Variants in CHM observed in about 807,000 individuals in gnomAD.
CHM encodes the protein rab proteins geranylgeranyltransferase component A 1.
In CHM, 10 loss-of-function variants were observed where a neutral mutation model predicts 49.0. The observed-to-expected ratio is 0.20, with a 90% CI of 0.13 to 0.35. The LOEUF (loss-of-function observed/expected upper bound fraction) is 0.35, where lower values mean the gene tolerates loss of function less well. CHM is among the 10% of genes least tolerant of loss of function. The pLI is 1.00. For synonymous variants in CHM, 184 were observed against 167.5 expected (o/e 1.10, Z -0.76); for missense variants, 455 against 478.4 (o/e 0.95, Z 0.46).
chrX:85,930,813 G>A (rs1603254106), intron 8 of CHM, among the ~76,000 whole-genome samples: 2 of 111,750 alleles, frequency 1.8e-5, no homozygotes, highest in Admixed American at 1.9e-4. Flanking sequence ...AGTCTTTATC[G>A]AGTTATTTGT....
chrX:86,019,189 T>C (rs1437107639), intron 2 of CHM, among the ~76,000 whole-genome samples: 1 of 111,507 alleles, frequency 9.0e-6, no homozygotes, highest in East Asian at 2.8e-4. Context: ...TCAATAAAGA[T>C]GTTGAAATTT....
Position 85,911,248 on chromosome X carries a change from A to G in CHM, c.1244+13T>C, listed in dbSNP as rs1350517057. 1.5e-6 allele frequency: 1 copy of G among 645,932 alleles called. No individual in the cohort carries two copies. Among genetic ancestry groups the G allele is most frequent in the Non-Finnish European group, 2.1e-6 (1 of 478,820 alleles). 53.2% of individuals were successfully genotyped at this position (645,932 alleles called of 1,213,427 possible). A position where few individuals can be genotyped will look rare whatever the true frequency, so the allele number is the denominator to read the frequency against. Reference sequence around the variant, plus strand: ...ATATATATATATATGAAGGTTACTTATATCATCCTTACTTTCTGGATTCTT... The same window carrying G: ...ATATATATATATATGAAGGTTACTTGTATCATCCTTACTTTCTGGATTCTT... On this transcript the variant is annotated intron_variant, in intron 9 of 14. Coordinates refer to ENST00000357749, the MANE Select transcript of CHM (RefSeq NM_000390.4).
At chrX:85,897,248 TAG>T (rs751194319) in intron 11 of CHM, among the ~76,000 whole-genome samples, 175 of 99,347 alleles carry the variant, frequency 1.8e-3, no homozygotes, top group African/African-American at 6.2e-3. Context: ...ATATATGAAA[TAG>T]AAAGTAGTAT....
chrX:85,884,125 AT>A (rs1280611506), intron 12 of CHM, among the ~76,000 whole-genome samples: 1 of 111,502 alleles, frequency 9.0e-6, no homozygotes, highest in African/African-American at 3.2e-5. Flanking sequence ...GTGAAAAAAA[AT>A]ATGGCTTGTT....
intron 2 of CHM, among the ~76,000 whole-genome samples, chrX:85,992,824 T>C (rs766917345): frequency 8.9e-6 from 1 of 112,465 alleles, no homozygotes; most frequent in Admixed American, 9.4e-5. Flanking sequence ...AGAAGTTGCT[T>C]TGGCAATCAG....
At chrX:85,900,507 T>C in intron 11 of CHM, 139 bp downstream of exon 11, 3 of 479,246 alleles carry the variant, frequency 6.3e-6, no homozygotes, top group Non-Finnish European at 1.1e-5. Context: ...ATCTTAAGTG[T>C]TCTCACCACA....
chrX:85,959,355 T>C (rs866921570), intron 5 of CHM, among the ~76,000 whole-genome samples: 1 of 108,181 alleles, frequency 9.2e-6, no homozygotes, highest in Non-Finnish European at 1.9e-5. Flanking sequence ...CATATCAGTA[T>C]ATGTACTTCA....
At chrX:85,949,978 A>ATATATATATATATATAT (rs1929642413) in intron 8 of CHM, among the ~76,000 whole-genome samples, 1 of 42,799 alleles carries the variant, frequency 2.3e-5, no homozygotes, top group Non-Finnish European at 4.4e-5. Context: ...ACTGAAATTA[A>ATATATATATATATATAT]ATATATATAT....
At chrX:86,015,978 C>G (rs1293964329) in intron 2 of CHM, among the ~76,000 whole-genome samples, 18 of 110,430 alleles carry the variant, frequency 1.6e-4, no homozygotes, top group Non-Finnish European at 5.7e-5. Context: ...ACTGAAAATA[C>G]AAAAATTGGC....
chrX:85,980,797 C>T (rs778633048), intron 3 of CHM, among the ~76,000 whole-genome samples: 1 of 110,768 alleles, frequency 9.0e-6, no homozygotes, highest in East Asian at 2.8e-4. Context: ...CCATATTATG[C>T]TATACGTGAT....
chrX:86,000,269 GAAA>G (rs11299180), intron 2 of CHM, among the ~76,000 whole-genome samples: 6 of 72,623 alleles, frequency 8.3e-5, no homozygotes, highest in Non-Finnish European at 1.1e-4. Flanking sequence ...AAGTCTTCCT[GAAA>G]AAAAAAAAAA....
At chrX:85,981,707 G>A in intron 3 of CHM, 30 bp downstream of exon 3, 4 of 1,073,900 alleles carry the variant, frequency 3.7e-6, no homozygotes, top group Non-Finnish European at 5.1e-6. Context: ...ATAAAACAAA[G>A]CAAATTAAAA....
At chrX:86,010,273 C>T (rs1933014527) in intron 2 of CHM, among the ~76,000 whole-genome samples, 1 of 101,629 alleles carries the variant, frequency 9.8e-6, no homozygotes, top group Non-Finnish European at 2.0e-5. Flanking sequence ...TTGATGGGTG[C>T]AGCAAACCAA....
At chrX:86,004,260 A>C (rs898232606) in intron 2 of CHM, among the ~76,000 whole-genome samples, 53 of 112,336 alleles carry the variant, frequency 4.7e-4, no homozygotes, top group South Asian at 7.4e-4. Context: ...CTCCTGAAAG[A>C]AGCACTAAAC....
chrX:85,983,260 T>G (rs1177877102), intron 2 of CHM, among the ~76,000 whole-genome samples: 1 of 110,697 alleles, frequency 9.0e-6, no homozygotes, highest in African/African-American at 3.3e-5. Flanking sequence ...GTCCAGAATC[T>G]CCAATGGTCT....
chrX:85,911,281 T>C lies in CHM; in HGVS notation c.1224A>G (p.Val408=). 3.0e-6 allele frequency: 3 copies of C among 1,004,054 alleles called. No individual in the cohort carries two copies. Among genetic ancestry groups the C allele is most frequent in the Non-Finnish European group, 3.9e-6 (3 of 766,583 alleles). The allele number at this position is 1,004,054 out of a possible 1,213,427, so 82.7% of individuals were successfully genotyped here. Residue 408 remains valine, a synonymous_variant, in exon 9 of 15, where the codon GTA becomes GTG. Coordinates refer to ENST00000357749, the MANE Select transcript of CHM (RefSeq NM_000390.4). ...YCLRHSVQCL[V]VDKESRKCKA... ...CTTACTTTCTGGATTCTTTGTCCAC[T>C]ACAAGGCACTGTACTGAATGGCGAA...
At chrX:85,979,727 A>T (rs1434338480) in intron 3 of CHM, among the ~76,000 whole-genome samples, 1 of 112,296 alleles carries the variant, frequency 8.9e-6, no homozygotes, top group Non-Finnish European at 1.9e-5. Flanking sequence ...CTAGTAGGAA[A>T]ATAGAATTAC....
intron 12 of CHM, among the ~76,000 whole-genome samples, chrX:85,890,179 C>T (rs1377045921): frequency 9.0e-6 from 1 of 111,730 alleles, no homozygotes; most frequent in Middle Eastern, 4.2e-3. Context: ...TGTGCATATA[C>T]TCCGTGAATC....
chrX:85,894,805 T>C (rs977521460), intron 11 of CHM, among the ~76,000 whole-genome samples: 5 of 111,920 alleles, frequency 4.5e-5, no homozygotes, highest in African/African-American at 1.6e-4. Flanking sequence ...TTCTGAAATA[T>C]GTGTATTTTG....
Sources: gnomAD v4.1 joint callset for allele counts (sites outside exome capture counted in the v4.1 genomes callset) on GRCh38, gnomAD v4.1.1 for gene constraint, MANE v1.5 for transcripts, NCBI Gene and HGNC (gene_info 2026-07-23, HGNC 2026-07-21) for gene names.